Variants in BTLA observed in about 807,000 individuals in gnomAD.
BTLA encodes B- and T-lymphocyte attenuator.
BTLA carries 11 observed loss-of-function variants against 25.0 expected under a neutral mutation model. That is an observed-to-expected ratio of 0.44 (90% CI 0.28 to 0.73). BTLA has a LOEUF of 0.73. BTLA is among the 30% of genes least tolerant of loss of function. BTLA has a pLI of 0.15. For missense variants in BTLA, 282 were observed against 332.8 expected (o/e 0.85, Z 1.19); for synonymous variants, 104 against 119.8 (o/e 0.87, Z 0.86).
At chr3:112,499,511 G>A (rs1307853474), upstream of BTLA, 5 of 587,066 alleles carry the variant, frequency 8.5e-6, no homozygotes, top group Non-Finnish European at 1.2e-5. Context: ...GGTAAGAGAG[G>A]AGAGTAGGAA....
chr3:112,478,512 T>A (rs930277519), intron 2 of BTLA, among the ~76,000 whole-genome samples: 2 of 152,306 alleles, frequency 1.3e-5, no homozygotes, highest in African/African-American at 4.8e-5. Context: ...TGTATTAGCT[T>A]TAATAGTTTT....
chr3:112,495,197 A>G (rs2082402659), intron 1 of BTLA, among the ~76,000 whole-genome samples: 1 of 152,210 alleles, frequency 6.6e-6, no homozygotes, highest in Non-Finnish European at 1.5e-5. Context: ...TAGTCACAAA[A>G]CCATTAAATG....
chr3:112,469,967 C>A (rs757880842), intron 3 of BTLA, 163 bp from the exon 4 acceptor site: 2 of 550,798 alleles, frequency 3.6e-6, no homozygotes, highest in African/African-American at 3.8e-5. Context: ...ATAATTCACA[C>A]TGACCAGCTC....
chr3:112,495,000 A>G (rs1386896), intron 1 of BTLA, among the ~76,000 whole-genome samples: 150,565 of 152,336 alleles, frequency 0.99, 74,426 homozygotes, highest in Non-Finnish European at 1. Flanking sequence ...TTACTTTAAC[A>G]GGACTATTAA....
At position 112,464,196 on chromosome 3, in the gene BTLA, C is replaced by T. The variant is rs1039523954; in HGVS notation, c.*1912G>A. ...AAACATAAATGATTTGTGATTTTGG[C>T]AAACAGTACAAATATATTAATACAT... On this transcript the variant is annotated 3_prime_UTR_variant, in exon 5 of 5. Transcript: ENST00000334529. 1 of 397,646 alleles carries T rather than the reference C, an allele frequency of 2.5e-6. No homozygotes were observed. Among genetic ancestry groups the T allele is most frequent in the Non-Finnish European group, 4.4e-6 (1 of 225,594 alleles). The allele number at this position is 397,646 out of a possible 1,614,324, so 24.6% of individuals were successfully genotyped here.
At chr3:112,493,086 C>T (rs189001244) in intron 1 of BTLA, among the ~76,000 whole-genome samples, 1 of 152,156 alleles carries the variant, frequency 6.6e-6, no homozygotes, top group Non-Finnish European at 1.5e-5. Flanking sequence ...TGAGAGTATA[C>T]CAGAAAGGTA....
intron 2 of BTLA, among the ~76,000 whole-genome samples, chr3:112,473,892 A>C (rs2082276252): frequency 6.6e-6 from 1 of 152,128 alleles, no homozygotes; most frequent in Non-Finnish European, 1.5e-5. Context: ...CTAGGATTAC[A>C]GATGTGAGCC....
intron 1 of BTLA, among the ~76,000 whole-genome samples, chr3:112,493,469 C>T (rs1203062441): frequency 2.0e-5 from 3 of 152,114 alleles, no homozygotes; most frequent in African/African-American, 7.2e-5. Flanking sequence ...AAACAAACAA[C>T]CGCATCAAAA....
chr3:112,469,660 T>C, intron 4 of BTLA, 98 bp downstream of exon 4: 1 of 513,370 alleles, frequency 1.9e-6, no homozygotes, highest in Non-Finnish European at 3.2e-6. Flanking sequence ...GTACATAGAA[T>C]AATGCCTGGC....
chr3:112,499,366 A>C lies in BTLA; in HGVS notation c.-8T>G. ...GGCAGGCAATGTCTTCATTTCCTGC[A>C]CATATCAGTGATGGAAAAACTGCTC... On this transcript the variant is annotated 5_prime_UTR_variant, in exon 1 of 5. Transcript: ENST00000334529. 1.2e-6 allele frequency: 2 copies of C among 1,613,018 alleles called. No individual in the cohort carries two copies. The highest frequency in any genetic ancestry group is 1.7e-6 in the Non-Finnish European group (2 of 1,179,432).
At chr3:112,471,466 C>T in intron 2 of BTLA, 111 bp from the exon 3 acceptor site, 1 of 1,178,934 alleles carries the variant, frequency 8.5e-7, no homozygotes. Context: ...AGGCCAATGC[C>T]TCCATTTCCC....
In BTLA at chr3:112,494,538, A is replaced by G. The variant is rs2082398481; in HGVS notation, c.88+4733T>C. On this transcript the variant is annotated intron_variant, in intron 1 of 4. Transcript: ENST00000334529. ...ATCAATGATAGACTGGAAAAAGAAAATATGGTACATATACACCGTGGAATA... is the reference window on the plus strand; with the variant it reads ...ATCAATGATAGACTGGAAAAAGAAAGTATGGTACATATACACCGTGGAATA... Among the ~76,000 whole-genome samples the G allele has an allele frequency of 2.6e-5, 4 of 152,222 alleles. No homozygotes were observed. In the South Asian group the frequency reaches 8.3e-4, roughly 32 times the overall value.
At chr3:112,470,899 G>A (rs576278480) in intron 3 of BTLA, among the ~76,000 whole-genome samples, 1 of 152,276 alleles carries the variant, frequency 6.6e-6, no homozygotes, top group East Asian at 1.9e-4. Context: ...TTAAGGTTTA[G>A]AAGAGCTCTT....
chr3:112,474,777 T>G (rs1248454843), intron 2 of BTLA, among the ~76,000 whole-genome samples: 1 of 152,130 alleles, frequency 6.6e-6, no homozygotes. Flanking sequence ...GCTCTACAAG[T>G]GGCAAGAGCA....
At chr3:112,472,646 A>G (rs1432142011) in intron 2 of BTLA, among the ~76,000 whole-genome samples, 1 of 152,142 alleles carries the variant, frequency 6.6e-6, no homozygotes, top group Non-Finnish European at 1.5e-5. Flanking sequence ...GTGAACCGAG[A>G]TGGTACCACT....
At chr3:112,467,578 G>A (rs1303881792) in intron 4 of BTLA, among the ~76,000 whole-genome samples, 1 of 152,218 alleles carries the variant, frequency 6.6e-6, no homozygotes, top group Non-Finnish European at 1.5e-5. Flanking sequence ...ATTGTGATGT[G>A]TGCAGTAGGA....
At chr3:112,471,002 G>A (rs1375071898) in intron 3 of BTLA, among the ~76,000 whole-genome samples, 1 of 152,184 alleles carries the variant, frequency 6.6e-6, no homozygotes, top group Admixed American at 6.5e-5. Flanking sequence ...ACTGTGCGTG[G>A]TGAGCATGCC....
At chr3:112,475,676 T>C (rs1421650303) in intron 2 of BTLA, among the ~76,000 whole-genome samples, 1 of 152,216 alleles carries the variant, frequency 6.6e-6, no homozygotes, top group African/African-American at 2.4e-5. Flanking sequence ...GCTAAATTCA[T>C]GTCTCGTATA....
chr3:112,476,834 G>C (rs919938017), intron 2 of BTLA, among the ~76,000 whole-genome samples: 3 of 152,122 alleles, frequency 2.0e-5, no homozygotes, highest in African/African-American at 7.2e-5. Flanking sequence ...CTATTTAGTA[G>C]TCATGTCACA....
Sources: allele counts gnomAD v4.1 joint callset (sites outside exome capture counted in the v4.1 genomes callset), GRCh38; gene constraint gnomAD v4.1.1; transcripts MANE v1.5; gene names NCBI Gene and HGNC (gene_info 2026-07-23, HGNC 2026-07-21).